A1CF: variants seen among roughly 807,000 people sequenced by gnomAD.
A1CF encodes the protein APOBEC-1 stimulating protein.
A neutral mutation model predicts 68.9 loss-of-function variants in A1CF; 48 were observed. The ratio of observed to expected loss-of-function variants is 0.70; its 90% confidence interval spans 0.55 to 0.89. The LOEUF (loss-of-function observed/expected upper bound fraction) is 0.89, where lower values mean the gene tolerates loss of function less well. Among genes scored for constraint, A1CF ranks in the 40% least tolerant of loss-of-function variants. The pLI is 0.00. For missense variants in A1CF, 653 were observed against 718.9 expected, an observed-to-expected ratio of 0.91 and a Z score of 1.05; for synonymous variants, 272 against 260.4, an observed-to-expected ratio of 1.04 and a Z score of -0.43.
intron 3 of A1CF, among the ~76,000 whole-genome samples, chr10:50,848,346 T>A (rs1284983967): frequency 6.6e-6 from 1 of 152,238 alleles, no homozygotes; most frequent in Non-Finnish European, 1.5e-5. Context: ...AAGACTAGAA[T>A]AAAGGTCCTA....
intron 6 of A1CF, among the ~76,000 whole-genome samples, chr10:50,828,869 C>G (rs2132397233): frequency 6.6e-6 from 1 of 152,180 alleles, no homozygotes; most frequent in Admixed American, 6.5e-5. Context: ...CAGCTGTGTT[C>G]CCTCTTAATC....
chr10:50,820,566 C>G lies in A1CF; in HGVS notation c.853G>C (p.Ala285Pro), dbSNP rs781647376. 6.2e-7 allele frequency: 1 copy of G among 1,613,206 alleles called. No individual in the cohort carries two copies. The highest frequency in any genetic ancestry group is 1.1e-5 in the South Asian group (1 of 90,986). ...TTCTACCTTACCTTGCCATTTAAAG[C>G]TTTCATAGCCTCAACTGCATCTTCT... ...NREDAVEAMK[A>P]LNGKVLDGSP... The change falls in exon 8 of 13, where the codon GCT (alanine) becomes CCT (proline). Residue 285 changes from alanine (A) to proline (P), a missense_variant. Transcript: ENST00000373997.
intron 2 of A1CF, among the ~76,000 whole-genome samples, chr10:50,863,287 T>C (rs1215662416): frequency 6.6e-6 from 1 of 152,230 alleles, no homozygotes; most frequent in Non-Finnish European, 1.5e-5. Context: ...AGATAAATAT[T>C]TCTTTTAAGC....
chr10:50,803,549 G>C lies in A1CF; in HGVS notation c.*3180C>G, dbSNP rs1469793481. On this transcript the variant is annotated 3_prime_UTR_variant, in exon 13 of 13. Coordinates refer to ENST00000373997, the MANE Select transcript of A1CF (RefSeq NM_014576.4). Reference sequence around the variant, plus strand: ...AGAATTATATTTTGTTGCAGTTGAAGGTGCTGTTCTAGATATACTAATGCA... The same window carrying C: ...AGAATTATATTTTGTTGCAGTTGAACGTGCTGTTCTAGATATACTAATGCA... 1 of 152,190 alleles carries C rather than the reference G, an allele frequency of 6.6e-6. No homozygotes were observed. The highest frequency in any genetic ancestry group is 1.5e-5 in the Non-Finnish European group (1 of 68,038). The allele number at this position is 152,190 out of a possible 1,614,324, so 9.4% of individuals were successfully genotyped here.
At chr10:50,835,803 G>A (rs1450456285) in intron 6 of A1CF, among the ~76,000 whole-genome samples, 1 of 151,780 alleles carries the variant, frequency 6.6e-6, no homozygotes, top group African/African-American at 2.4e-5. Flanking sequence ...ATTTTAAGAA[G>A]ACTCTTTATT....
intron 10 of A1CF, among the ~76,000 whole-genome samples, chr10:50,811,532 C>A (rs193042606): frequency 6.6e-6 from 1 of 152,166 alleles, no homozygotes; most frequent in Non-Finnish European, 1.5e-5. Context: ...TAGATTTACT[C>A]ATTATTACTC....
chr10:50,839,302 A>T (rs1467562093), intron 5 of A1CF, among the ~76,000 whole-genome samples: 2 of 152,188 alleles, frequency 1.3e-5, no homozygotes, highest in Admixed American at 1.3e-4. Context: ...CTCAACTCAA[A>T]TACCGTTTTG....
intron 3 of A1CF, among the ~76,000 whole-genome samples, chr10:50,848,434 C>A (rs1182004661): frequency 6.6e-6 from 1 of 152,160 alleles, no homozygotes; most frequent in Admixed American, 6.5e-5. Context: ...GGCTTATCAG[C>A]CTCATAAATC....
chr10:50,833,485 T>TTATTGAAAAG, intron 6 of A1CF, among the ~76,000 whole-genome samples: 1 of 152,168 alleles, frequency 6.6e-6, no homozygotes, highest in Non-Finnish European at 1.5e-5. Flanking sequence ...AAGGTGAGAT[T>TTATTGAAAAG]TCTCAAGGGG....
intron 1 of A1CF, among the ~76,000 whole-genome samples, chr10:50,874,965 T>C (rs1008288600): frequency 2.0e-5 from 3 of 152,158 alleles, no homozygotes; most frequent in Non-Finnish European, 2.9e-5. Flanking sequence ...AAATGACAGA[T>C]TTTAAAGCTT....
chr10:50,801,018 C>T lies in A1CF; in HGVS notation c.*5711G>A, dbSNP rs1837579283. 1 of 152,168 alleles carries T rather than the reference C, an allele frequency of 6.6e-6. No individual in the cohort carries two copies. Among genetic ancestry groups the T allele is most frequent in the African/African-American group, 2.4e-5 (1 of 41,406 alleles). 9.4% of individuals were successfully genotyped at this position (152,168 alleles called of 1,614,324 possible). ...AATGCTCTAATACCCTACTAGTGCC[C>T]TGTGGATCTCTACAGACCAAGCAAG... On this transcript the variant is annotated 3_prime_UTR_variant, in exon 13 of 13. Transcript: ENST00000373997.
chr10:50,873,489 G>A (rs1841368645), intron 1 of A1CF, among the ~76,000 whole-genome samples: 1 of 152,082 alleles, frequency 6.6e-6, no homozygotes, highest in Non-Finnish European at 1.5e-5. Context: ...ATCCTCAAAT[G>A]ACCATATAAT....
chr10:50,846,536 T>C (rs980780212), intron 3 of A1CF, among the ~76,000 whole-genome samples: 1 of 152,210 alleles, frequency 6.6e-6, no homozygotes, highest in African/African-American at 2.4e-5. Context: ...ATTTTTACCC[T>C]TCAAGTTGAG....
chr10:50,874,460 C>G (rs1247522849), intron 1 of A1CF, among the ~76,000 whole-genome samples: 5 of 152,102 alleles, frequency 3.3e-5, no homozygotes, highest in Admixed American at 6.5e-5. Flanking sequence ...CTTTAAATCC[C>G]TAGGATTTAA....
At chr10:50,837,998 T>C (rs769742816) in intron 5 of A1CF, among the ~76,000 whole-genome samples, 2 of 152,074 alleles carry the variant, frequency 1.3e-5, no homozygotes, top group Non-Finnish European at 2.9e-5. Flanking sequence ...GGAGAAATGG[T>C]TTTAACTTTT....
chr10:50,881,379 C>T (rs1383362564), intron 1 of A1CF, among the ~76,000 whole-genome samples: 5 of 152,110 alleles, frequency 3.3e-5, no homozygotes, highest in East Asian at 1.9e-4. Context: ...GGCTTATAAA[C>T]GATAGGTGGG....
intron 10 of A1CF, 102 bp from the exon 11 acceptor site, chr10:50,811,278 A>G: frequency 8.5e-7 from 1 of 1,175,038 alleles, no homozygotes; most frequent in Non-Finnish European, 1.2e-6. Flanking sequence ...TCAAGCTAGT[A>G]TCTGAAGACA....
At chr10:50,885,044 G>C (rs1841942966) in intron 1 of A1CF, among the ~76,000 whole-genome samples, 1 of 152,110 alleles carries the variant, frequency 6.6e-6, no homozygotes. Flanking sequence ...ACATTCCTTT[G>C]GTTAGCAAGA....
At chr10:50,867,723 C>G (rs1247570994) in intron 1 of A1CF, among the ~76,000 whole-genome samples, 1 of 152,004 alleles carries the variant, frequency 6.6e-6, no homozygotes, top group Non-Finnish European at 1.5e-5. Flanking sequence ...CAGAGAGGAA[C>G]AGAAAGGAGA....
Sources: allele counts gnomAD v4.1 joint callset (sites outside exome capture counted in the v4.1 genomes callset), GRCh38; gene constraint gnomAD v4.1.1; transcripts MANE v1.5; gene names NCBI Gene and HGNC (gene_info 2026-07-23, HGNC 2026-07-21).